Variants in EZR observed in about 807,000 individuals in gnomAD.
EZR encodes the protein cytovillin 2.
Under a neutral mutation model 74.8 loss-of-function variants are expected in EZR, and 40 were observed. That is an observed-to-expected ratio of 0.53 (90% confidence interval 0.42 to 0.70). The LOEUF is 0.70. Among genes scored for constraint, EZR ranks in the 30% least tolerant of loss-of-function variants. The probability of loss-of-function intolerance (pLI) is 0.00; values close to 1 mark genes in which losing one functional copy is unlikely to be tolerated. For missense variants in EZR, 678 were observed against 755.8 expected (o/e 0.90, Z 1.21); for synonymous variants, 341 against 283.3 (o/e 1.20, Z -2.05).
intron 2 of EZR, 131 bp from the exon 3 acceptor site, chr6:158,789,502 C>T (rs1360379232): frequency 1.2e-6 from 1 of 841,648 alleles, no homozygotes; most frequent in Non-Finnish European, 2.1e-6. Context: ...CTGTGCTAGT[C>T]AGGAAGCCAC....
chr6:158,767,955 T>C lies in EZR; in HGVS notation c.1345-443A>G, dbSNP rs567935574. Among the ~76,000 whole-genome samples the C allele has an allele frequency of 5.9e-5, 9 of 152,042 alleles. No individual in the cohort carries two copies. The East Asian group carries it at 1.2e-3, about 20-fold the overall frequency. On this transcript the variant is annotated intron_variant, in intron 12 of 13. Coordinates refer to ENST00000367075, the MANE Select transcript of EZR (RefSeq NM_001111077.2). ...CAGCCAGCCCTAGAGTTGAGCTTAG[T>C]GTGGATCTGCTTTGTAGCCAGCTCT... is the stretch of plus-strand genomic sequence containing the variant.
intron 2 of EZR, among the ~76,000 whole-genome samples, chr6:158,804,769 T>C (rs1320373781): frequency 1.4e-5 from 2 of 146,296 alleles, no homozygotes; most frequent in Non-Finnish European, 3.0e-5. Context: ...TTTTCTTATT[T>C]TTTTTTATTA....
At chr6:158,775,264 C>T (rs1254364127) in intron 8 of EZR, among the ~76,000 whole-genome samples, 1 of 152,112 alleles carries the variant, frequency 6.6e-6, no homozygotes, top group Non-Finnish European at 1.5e-5. Flanking sequence ...GAACTCCTGA[C>T]CTCGTGATTC....
chr6:158,807,711 G>A (rs1233311759), intron 2 of EZR, among the ~76,000 whole-genome samples: 2 of 152,092 alleles, frequency 1.3e-5, no homozygotes, highest in South Asian at 2.1e-4. Context: ...ACAGTAGCAC[G>A]CTCACCACCC....
intron 7 of EZR, among the ~76,000 whole-genome samples, chr6:158,779,773 A>C (rs1791379154): frequency 6.6e-6 from 1 of 152,054 alleles, no homozygotes; most frequent in Non-Finnish European, 1.5e-5. Flanking sequence ...CCATGTTGGC[A>C]AAGACCAGCC....
At chr6:158,768,439 C>G (rs1790986481) in intron 12 of EZR, among the ~76,000 whole-genome samples, 1 of 152,096 alleles carries the variant, frequency 6.6e-6, no homozygotes, top group African/African-American at 2.4e-5. Flanking sequence ...GGGGCTGGAA[C>G]AGAGGCAAGG....
At position 158,769,892 on chromosome 6, in the gene EZR, C is replaced by T. The variant is rs1218470494; in HGVS notation, c.1143G>A (p.Arg381=). Residue 381 remains arginine, a synonymous_variant, in exon 11 of 14, where the codon CGG becomes CGA. Transcript: ENST00000367075. ...RALQLEEERK[R]AQEEAERLEA... ...CTAGGCGCTCGGCCTCCTCCTGTGC[C>T]CGCTTCCTCTCCTCCTCCAGCTGCA... is the stretch of plus-strand genomic sequence containing the variant. 6.2e-7 allele frequency: 1 copy of T among 1,613,458 alleles called. No homozygotes were observed.
At chr6:158,802,351 A>G (rs1262018800) in intron 2 of EZR, among the ~76,000 whole-genome samples, 1 of 152,240 alleles carries the variant, frequency 6.6e-6, no homozygotes. Context: ...ACTGTTTCAA[A>G]TTTTAACTGC....
At chr6:158,818,453 G>A (rs1199461626) in intron 1 of EZR, among the ~76,000 whole-genome samples, 1 of 151,358 alleles carries the variant, frequency 6.6e-6, no homozygotes, top group Non-Finnish European at 1.5e-5. Flanking sequence ...GAGGAGAGGG[G>A]GTGCGCACCC....
chr6:158,811,688 A>T (rs1777453344), intron 2 of EZR, among the ~76,000 whole-genome samples: 1 of 152,132 alleles, frequency 6.6e-6, no homozygotes, highest in South Asian at 2.1e-4. Flanking sequence ...ACACAGTGAG[A>T]TCTTGTTTCA....
At chr6:158,787,294 G>A in intron 3 of EZR, 91 bp from the exon 4 acceptor site, 1 of 1,000,350 alleles carries the variant, frequency 1.0e-6, no homozygotes, top group South Asian at 1.4e-5. Context: ...TGGTCTAGCA[G>A]AGTCCCCAGG....
At chr6:158,783,784 T>C in intron 6 of EZR, 118 bp from the exon 7 acceptor site, 20 of 1,138,164 alleles carry the variant, frequency 1.8e-5, no homozygotes, top group Non-Finnish European at 2.2e-5. Context: ...CAATGCTGTG[T>C]GCTGCGTGCA....
chr6:158,814,387 A>ACTGCGTCACG (rs56043720), intron 2 of EZR, among the ~76,000 whole-genome samples: 38,132 of 151,400 alleles, frequency 0.25, 6,109 homozygotes, highest in African/African-American at 0.46. Context: ...TTTCCTCTCG[A>ACTGCGTCACG]CGTTACCTAG....
chr6:158,817,929 CAAAG>C, intron 2 of EZR, 149 bp downstream of exon 2: 1 of 591,354 alleles, frequency 1.7e-6, no homozygotes, highest in Non-Finnish European at 2.8e-6. Context: ...CAACAAGTAA[CAAAG>C]AGCGGCGAAA....
chr6:158,771,421 C>T lies in EZR; in HGVS notation c.796-14G>A, dbSNP rs377115707. On this transcript the variant is annotated splice_polypyrimidine_tract_variant and intron_variant, in intron 8 of 13. Transcript: ENST00000367075. ...AAACACAAAGTCCTACAAAACAGAA[C>T]AGGGCCACCTGGACTCAAGCTCCTT... The T allele has an allele frequency of 5.0e-6, 8 of 1,584,494 alleles. No individual in the cohort carries two copies. Among genetic ancestry groups the T allele is most frequent in the South Asian group, 4.6e-5 (4 of 87,324 alleles).
rs534718628 is a variant in EZR at position 158,774,641 on chromosome 6, T to G, written c.795+1767A>C. 1.1e-4 allele frequency among the ~76,000 whole-genome samples: 16 copies of G among 148,574 alleles called. No individual in the cohort carries two copies. In the South Asian group the frequency reaches 3.5e-3, roughly 32 times the overall value. ...CTTGGGGCTTATTATGAAAATATTC[T>G]TCAGCTTTTCAAGAGATGGACTTAT... On this transcript the variant is annotated intron_variant, in intron 8 of 13. Coordinates refer to ENST00000367075, the MANE Select transcript of EZR (RefSeq NM_001111077.2).
At chr6:158,811,969 C>A (rs1777459540) in intron 2 of EZR, among the ~76,000 whole-genome samples, 1 of 151,754 alleles carries the variant, frequency 6.6e-6, no homozygotes, top group Non-Finnish European at 1.5e-5. Context: ...ACTTCCCTAC[C>A]ATTTATAGGG....
chr6:158,776,348 AC>A, intron 8 of EZR, 59 bp downstream of exon 8: 1 of 1,346,788 alleles, frequency 7.4e-7, no homozygotes, highest in Non-Finnish European at 1.1e-6. Flanking sequence ...CTTGTCCGTT[AC>A]CCTGACAAGT....
intron 2 of EZR, among the ~76,000 whole-genome samples, chr6:158,808,627 C>T (rs1016386746): frequency 1.3e-5 from 2 of 152,098 alleles, no homozygotes; most frequent in Non-Finnish European, 2.9e-5. Flanking sequence ...AGGTGCTTCC[C>T]ATGTGCCATC....
Sources: allele counts gnomAD v4.1 joint callset (sites outside exome capture counted in the v4.1 genomes callset), GRCh38; gene constraint gnomAD v4.1.1; transcripts MANE v1.5; gene names NCBI Gene and HGNC (gene_info 2026-07-23, HGNC 2026-07-21).